The following DNAH17 variants were observed in gnomAD, a reference collection of about 807,000 sequenced individuals.
DNAH17 encodes axonemal beta dynein heavy chain 17.
A neutral mutation model predicts 485.6 loss-of-function variants in DNAH17; 376 were observed. The observed-to-expected ratio is 0.77, with a 90% CI of 0.71 to 0.84. The LOEUF is 0.84. DNAH17 is among the 40% of genes least tolerant of loss of function. The pLI, the probability that DNAH17 is intolerant of heterozygous loss-of-function variation, is 0.00. For missense variants in DNAH17, 6,370 were observed against 5,839.3 expected, an observed-to-expected ratio of 1.09 and a Z score of -2.96; for synonymous variants, 3,031 against 2,405.9, an observed-to-expected ratio of 1.26 and a Z score of -7.60.
intron 34 of DNAH17, 102 bp from the exon 35 acceptor site, chr17:78,501,446 G>A: frequency 2.8e-6 from 4 of 1,409,416 alleles, no homozygotes; most frequent in Non-Finnish European, 3.8e-6. Flanking sequence ...TGCTGCCCAG[G>A]GAACCCTCCC....
At chr17:78,462,196 G>C (rs1052195999) in intron 57 of DNAH17, among the ~76,000 whole-genome samples, 1 of 150,134 alleles carries the variant, frequency 6.7e-6, no homozygotes, top group Non-Finnish European at 1.5e-5. Context: ...TTGCAGTGCC[G>C]AGCAGGGCTG....
chr17:78,434,228 G>A lies in DNAH17; in HGVS notation c.12034-8C>T, dbSNP rs777557713. 7 of 1,598,472 alleles carry A rather than the reference G, an allele frequency of 4.4e-6. No individual in the cohort carries two copies. Among genetic ancestry groups the A allele is most frequent in the Non-Finnish European group, 6.0e-6 (7 of 1,168,542 alleles). On this transcript the variant is annotated splice_region_variant and splice_polypyrimidine_tract_variant and intron_variant, in intron 74 of 80. Coordinates refer to ENST00000389840, the MANE Select transcript of DNAH17 (RefSeq NM_173628.4). The stretch of plus-strand genomic sequence containing the variant: ...GCACATCTCCAGGGTGTCCTGTGGG[G>A]CACACGCTCCGGTCAGGTATTAGGG...
chr17:78,518,154 T>C (rs1394180006), intron 25 of DNAH17, among the ~76,000 whole-genome samples: 1 of 152,166 alleles, frequency 6.6e-6, no homozygotes, highest in Non-Finnish European at 1.5e-5. Flanking sequence ...AATAATTACC[T>C]TAAATGCAAA....
intron 16 of DNAH17, among the ~76,000 whole-genome samples, chr17:78,548,395 G>A (rs534586693): frequency 3.3e-5 from 5 of 151,944 alleles, no homozygotes; most frequent in South Asian, 4.2e-4. Context: ...TAGTAGAGAC[G>A]GAGTTTCACC....
At chr17:78,482,623 C>T (rs1479259261) in intron 48 of DNAH17, among the ~76,000 whole-genome samples, 5 of 152,128 alleles carry the variant, frequency 3.3e-5, no homozygotes, top group Admixed American at 2.6e-4. Context: ...AGATGTTGTC[C>T]CTGTTTGCTT....
intron 17 of DNAH17, among the ~76,000 whole-genome samples, chr17:78,543,458 T>A (rs1268708654): frequency 2.0e-5 from 3 of 150,862 alleles, no homozygotes; most frequent in African/African-American, 7.3e-5. Flanking sequence ...GCCCGGCTAA[T>A]TTTTTGTATT....
At chr17:78,477,956 TCCA>T in intron 51 of DNAH17, among the ~76,000 whole-genome samples, 1 of 107,474 alleles carries the variant, frequency 9.3e-6, no homozygotes, top group East Asian at 2.8e-4. Flanking sequence ...CATTATCATC[TCCA>T]CCATCACCAC....
chr17:78,463,344 A>T (rs1352139330), intron 56 of DNAH17, among the ~76,000 whole-genome samples: 2 of 152,238 alleles, frequency 1.3e-5, no homozygotes, highest in Non-Finnish European at 2.9e-5. Context: ...ACATGCACAC[A>T]CATGCATACA....
At position 78,516,169 on chromosome 17, in the gene DNAH17, G is replaced by T. The variant is rs145979941; in HGVS notation, c.3865-1147C>A. 2.2e-3 allele frequency among the ~76,000 whole-genome samples: 331 copies of T among 152,324 alleles called. 2 individuals carry two copies. The highest frequency in any genetic ancestry group is 7.7e-3 in the African/African-American group (321 of 41,566). On this transcript the variant is annotated intron_variant, in intron 25 of 80. Transcript: ENST00000389840. Reference sequence around the variant, plus strand: ...ACCTTAATCTACACAGGAGTTGATGGCTTTTTCTGGCAGGTTCGAGATTAC... The same window carrying T: ...ACCTTAATCTACACAGGAGTTGATGTCTTTTTCTGGCAGGTTCGAGATTAC...
intron 26 of DNAH17, among the ~76,000 whole-genome samples, chr17:78,511,397 C>T (rs1486385302): frequency 2.6e-5 from 4 of 152,176 alleles, no homozygotes; most frequent in African/African-American, 7.2e-5. Context: ...CATGAGCCAC[C>T]GCACCCCCGG....
intron 12 of DNAH17, among the ~76,000 whole-genome samples, chr17:78,561,350 C>CTGT (rs1261678969): frequency 6.6e-6 from 1 of 152,018 alleles, no homozygotes; most frequent in East Asian, 1.9e-4. Flanking sequence ...TCCCCTGCAG[C>CTGT]CGTCCCTGCG....
At position 78,466,693 on chromosome 17, in the gene DNAH17, C is replaced by G; in HGVS notation, c.8902G>C (p.Val2968Leu). 6.2e-7 allele frequency: 1 copy of G among 1,612,228 alleles called. No individual in the cohort carries two copies. Among genetic ancestry groups the G allele is most frequent in the African/African-American group, 1.3e-5 (1 of 74,894 alleles). ...GTCTCCTCCAGGAAGCGGGCGCTGA[C>G]GGACACCAGCGCATCTTCCGGCCAC... ...HEWPEDALVSVSARFLEETEG... is the reference protein window; with the variant it reads ...HEWPEDALVSLSARFLEETEG... The change falls in exon 56 of 81, where the codon GTC becomes CTC. Residue 2968 changes from valine (V) to leucine (L), a missense_variant. By Grantham distance (32) the Val-to-Leu change is conservative. Transcript: ENST00000389840.
intron 35 of DNAH17, 176 bp downstream of exon 35, chr17:78,501,008 C>G (rs1487244484): frequency 2.9e-6 from 2 of 680,614 alleles, no homozygotes; most frequent in East Asian, 3.1e-5. Flanking sequence ...CAAGGCCACA[C>G]AGCCGGTGCT....
rs691113 is a variant in DNAH17, at chr17:78,428,861, T to C, written c.12406-154A>G. ...CCAGCCCCCTTTGTGGGCTGCCCCC[T>C]GTGCTCCCAGCGACATAAAGGAAAA... On this transcript the variant is annotated intron_variant, in intron 76 of 80. Transcript: ENST00000389840. 0.16 allele frequency among the ~76,000 whole-genome samples: 23,344 copies of C among 147,590 alleles called. 1,950 individuals are homozygous for C. The highest frequency in any genetic ancestry group is 0.2 in the Middle Eastern group (58 of 292).
intron 11 of DNAH17, 99 bp downstream of exon 11, chr17:78,566,515 C>T (rs542861780): frequency 1.6e-5 from 14 of 895,158 alleles, no homozygotes; most frequent in Middle Eastern, 3.0e-4. Context: ...ATCAGCTCTA[C>T]ATGGAGAGGA....
At chr17:78,445,838 G>T (rs932043545) in intron 69 of DNAH17, among the ~76,000 whole-genome samples, 158 bp from the exon 70 acceptor site, 2 of 152,134 alleles carry the variant, frequency 1.3e-5, no homozygotes, top group South Asian at 4.1e-4. Flanking sequence ...TCTTCACCTC[G>T]TCTCGCTTTT....
Position 78,521,478 on chromosome 17 carries a change from A to G in DNAH17, c.3864+3531T>C, listed in dbSNP as rs143276318. ...AACATGCTGGAGCAATTAGACATCC[A>G]TAAACAAACAAAAATAATAAATGAA... On this transcript the variant is annotated intron_variant, in intron 25 of 80. Transcript: ENST00000389840. Among the ~76,000 whole-genome samples, 31 of 152,316 alleles carry G rather than the reference A, an allele frequency of 2.0e-4. No individual in the cohort carries two copies. In the East Asian group the frequency reaches 5.2e-3, roughly 26 times the overall value.
chr17:78,464,373 C>T (rs977207384), intron 56 of DNAH17, among the ~76,000 whole-genome samples: 2 of 152,206 alleles, frequency 1.3e-5, no homozygotes, highest in Admixed American at 1.3e-4. Flanking sequence ...GATTCTCCTG[C>T]CTTAGCCTCT....
In DNAH17 at chr17:78,479,043, G is replaced by A. The variant is rs779920016; in HGVS notation, c.7974C>T (p.Asp2658=). 1.9e-5 allele frequency: 31 copies of A among 1,613,956 alleles called. 1 individual carries two copies. In the South Asian group the frequency reaches 2.1e-4, roughly 11 times the overall value. ...IKFHYVFNLR[D]LSNIFQGLLF... ...GCAGTACCTGGAAAATATTGGAGAG[G>A]TCCCTGAGGTTGAAGACATAATGAA... Residue 2658 remains aspartate (D), a synonymous_variant, in exon 51 of 81, where the codon GAC becomes GAT. Coordinates refer to ENST00000389840, the MANE Select transcript of DNAH17 (RefSeq NM_173628.4).
Sources: gnomAD v4.1 joint callset for allele counts (sites outside exome capture counted in the v4.1 genomes callset) on GRCh38, gnomAD v4.1.1 for gene constraint, MANE v1.5 for transcripts, NCBI Gene and HGNC (gene_info 2026-07-23, HGNC 2026-07-21) for gene names.